The following PIEZO2 variants were observed in gnomAD, a reference collection of about 807,000 sequenced individuals.
The protein encoded by PIEZO2 is piezo-type mechanosensitive ion channel component 2.
A neutral mutation model predicts 337.3 loss-of-function variants in PIEZO2; 172 were observed. The observed-to-expected ratio is 0.51, with a 90% CI of 0.45 to 0.58. The LOEUF (loss-of-function observed/expected upper bound fraction) is 0.58, where lower values mean the gene tolerates loss of function less well. Ranked by LOEUF, PIEZO2 falls within the 20% of genes least tolerant of loss-of-function variation. The pLI, the probability that PIEZO2 is intolerant of heterozygous loss-of-function variation, is 0.00. For missense variants in PIEZO2, 3,028 were observed against 3,391.3 expected, an observed-to-expected ratio of 0.89 and a Z score of 2.66; for synonymous variants, 1,251 against 1,228.5, an observed-to-expected ratio of 1.02 and a Z score of -0.38.
intron 8 of PIEZO2, among the ~76,000 whole-genome samples, chr18:10,805,109 GCTA>G (rs758352998): frequency 6.6e-6 from 1 of 152,234 alleles, no homozygotes; most frequent in Non-Finnish European, 1.5e-5. Flanking sequence ...CCCTCATCAA[GCTA>G]CTGCATTATC....
rs577633024 is a variant in PIEZO2, at chr18:11,059,583, C to CA, written c.160+6543dup. ...GAAGATCTATCATGCAAATGGAAAA[C>CA]AAAAAAAGGCAGGGGTTGCAATCCT... On this transcript the variant is annotated intron_variant, in intron 2 of 55. Coordinates refer to ENST00000674853, the MANE Select transcript of PIEZO2 (RefSeq NM_001378183.1). 3.7e-3 allele frequency among the ~76,000 whole-genome samples: 558 copies of CA among 151,640 alleles called. 2 individuals carry two copies. Among genetic ancestry groups the CA allele is most frequent in the Non-Finnish European group, 5.6e-3 (383 of 67,850 alleles).
intron 2 of PIEZO2, among the ~76,000 whole-genome samples, chr18:11,062,515 C>G (rs2038002808): frequency 6.6e-6 from 1 of 152,102 alleles, no homozygotes; most frequent in African/African-American, 2.4e-5. Flanking sequence ...ACTCATCTGA[C>G]AAAGGGCTAA....
chr18:10,720,409 GTA>G (rs1250450994), intron 36 of PIEZO2, among the ~76,000 whole-genome samples: 428 of 17,886 alleles, frequency 0.024, 21 homozygotes, highest in South Asian at 0.03. Context: ...GTGTGTATGT[GTA>G]TGTGTATGTA....
chr18:10,847,391 G>GCT lies in PIEZO2; in HGVS notation c.917+7961_917+7962insAG, dbSNP rs2041399931. Reference sequence around the variant, plus strand: ...TGGAGATGCCCTTGGTGGGCAAAAGGAGAGAAATCTGGCCCAGAACACTTA... The same window carrying GCT: ...TGGAGATGCCCTTGGTGGGCAAAAGGCTAGAGAAATCTGGCCCAGAACACTTA... On this transcript the variant is annotated intron_variant, in intron 7 of 55. Transcript: ENST00000674853. This position sits in a 1 kb window ranked among gnomAD's most constrained non-coding sequence, Gnocchi z 5.7. Among the ~76,000 whole-genome samples, 2 of 152,220 alleles carry GCT rather than the reference G, an allele frequency of 1.3e-5. No individual in the cohort carries two copies. The highest frequency in any genetic ancestry group is 4.8e-5 in the African/African-American group (2 of 41,458).
chr18:10,792,827 GTT>G (rs2039450271), intron 13 of PIEZO2, among the ~76,000 whole-genome samples: 1 of 152,172 alleles, frequency 6.6e-6, no homozygotes, highest in African/African-American at 2.4e-5. Context: ...GAAATTTTAT[GTT>G]TAAAATTTTG....
At chr18:11,022,922 G>A (rs932108527) in intron 2 of PIEZO2, among the ~76,000 whole-genome samples, 9 of 152,040 alleles carry the variant, frequency 5.9e-5, no homozygotes, top group Admixed American at 4.6e-4. Context: ...CCTTCTGGTG[G>A]GTTCGTGGTC....
chr18:10,948,490 T>C (rs765844567), intron 3 of PIEZO2, among the ~76,000 whole-genome samples: 14 of 152,226 alleles, frequency 9.2e-5, no homozygotes, highest in African/African-American at 2.7e-4. Context: ...ATTTGTTGCA[T>C]TGATGATGTT....
Position 11,048,488 on chromosome 18 carries a change from T to A in PIEZO2, c.160+17639A>T, listed in dbSNP as rs2037401969. 6.6e-6 allele frequency among the ~76,000 whole-genome samples: 1 copy of A among 152,344 alleles called. No homozygotes were observed. Among genetic ancestry groups the A allele is most frequent in the Middle Eastern group, 3.4e-3 (1 of 294 alleles). On this transcript the variant is annotated intron_variant, in intron 2 of 55. Coordinates refer to ENST00000674853, the MANE Select transcript of PIEZO2 (RefSeq NM_001378183.1). The surrounding 1 kb of genome is among the most constrained non-coding windows in gnomAD (Gnocchi z 4.5). ...GCTGAGGAAATACTAAAAGGCAGCT[T>A]AAAGCACAGTAATTGTCTACTTACA...
At chr18:11,134,382 C>G (rs1350110695) in intron 1 of PIEZO2, among the ~76,000 whole-genome samples, 2 of 152,104 alleles carry the variant, frequency 1.3e-5, no homozygotes, top group Non-Finnish European at 2.9e-5. Context: ...GAGTACAAAC[C>G]AAAGTCCACA....
chr18:10,757,332 G>A (rs964917005), intron 27 of PIEZO2, among the ~76,000 whole-genome samples: 1 of 149,298 alleles, frequency 6.7e-6, no homozygotes, highest in Non-Finnish European at 1.5e-5. Flanking sequence ...GGGAGGGATG[G>A]AGGATGAGAA....
rs1189914691 is a variant in PIEZO2 at position 10,702,092 on chromosome 18, G to A, written c.6338C>T (p.Pro2113Leu). ...TCCTATGATGTTTGGGGGGTGATAC[G>A]GTTTATCTTTGTTCACCTCCACATT... ...NKNVEVNKDK[P>L]YHPPNIIGVE... Residue 2113 changes from proline (P) to leucine (L), a missense_variant, in exon 43 of 56, where the codon CCG (proline) becomes CTG (leucine). Transcript: ENST00000674853. 9.1e-6 allele frequency: 14 copies of A among 1,536,708 alleles called. No homozygotes were observed. Among genetic ancestry groups the A allele is most frequent in the African/African-American group, 1.4e-5 (1 of 72,966 alleles).
chr18:10,684,521 GTGGT>G (rs2034457973), intron 49 of PIEZO2, among the ~76,000 whole-genome samples: 1 of 149,876 alleles, frequency 6.7e-6, no homozygotes, highest in Non-Finnish European at 1.5e-5. Flanking sequence ...CTGGGGTGCG[GTGGT>G]GCAGTCTCAG....
chr18:10,805,952 T>TG (rs1342352304), intron 8 of PIEZO2, among the ~76,000 whole-genome samples: 4 of 152,236 alleles, frequency 2.6e-5, no homozygotes, highest in African/African-American at 9.6e-5. Flanking sequence ...TACAACCTGT[T>TG]TGCTTCTCTT....
intron 3 of PIEZO2, among the ~76,000 whole-genome samples, chr18:10,951,374 T>G (rs2033289590): frequency 6.6e-6 from 1 of 152,200 alleles, no homozygotes; most frequent in African/African-American, 2.4e-5. Context: ...AGTTGAGGGA[T>G]TCATCTCTAC....
chr18:10,987,672 G>T (rs2034931473), intron 2 of PIEZO2, among the ~76,000 whole-genome samples: 1 of 152,032 alleles, frequency 6.6e-6, no homozygotes, highest in East Asian at 1.9e-4. Context: ...AAAAGCACAG[G>T]CAACAGAAGC....
rs1382351453 is a variant in PIEZO2 at position 10,746,727 on chromosome 18, C to T, written c.4424+1744G>A. The stretch of plus-strand genomic sequence containing the variant: ...AAAGAAGCCCAAGGGGGGTCTCTTG[C>T]CCCTTCCACCAAAATAGGATGCAGT... On this transcript the variant is annotated intron_variant, in intron 30 of 55. Coordinates refer to ENST00000674853, the MANE Select transcript of PIEZO2 (RefSeq NM_001378183.1). The surrounding 1 kb of genome is among the most constrained non-coding windows in gnomAD (Gnocchi z 4.2). Among the ~76,000 whole-genome samples the T allele has an allele frequency of 1.3e-5, 2 of 152,166 alleles. No homozygotes were observed. The highest frequency in any genetic ancestry group is 6.5e-5 in the Admixed American group (1 of 15,284).
intron 3 of PIEZO2, among the ~76,000 whole-genome samples, chr18:10,958,488 A>G (rs2033632979): frequency 6.6e-6 from 1 of 152,206 alleles, no homozygotes; most frequent in Non-Finnish European, 1.5e-5. Flanking sequence ...GGTGACCATA[A>G]GTAATAATAA....
chr18:11,062,418 T>G (rs1022186412), intron 2 of PIEZO2, among the ~76,000 whole-genome samples: 53 of 152,274 alleles, frequency 3.5e-4, no homozygotes, highest in African/African-American at 1.2e-3. Flanking sequence ...TGGGATCTAA[T>G]TTAACTAAAG....
At chr18:11,046,031 A>G (rs1386694903) in intron 2 of PIEZO2, among the ~76,000 whole-genome samples, 1 of 152,208 alleles carries the variant, frequency 6.6e-6, no homozygotes, top group Non-Finnish European at 1.5e-5. Flanking sequence ...GTCAAAAATC[A>G]GCAAAACTCT....
Sources: gnomAD v4.1 joint callset for allele counts (sites outside exome capture counted in the v4.1 genomes callset) on GRCh38, gnomAD v4.1.1 for gene constraint, Gnocchi (gnomAD v3.1) non-coding constraint, MANE v1.5 for transcripts, NCBI Gene and HGNC (gene_info 2026-07-23, HGNC 2026-07-21) for gene names.